PHACTR2: variants seen among roughly 807,000 people sequenced by gnomAD.
PHACTR2 encodes phosphatase and actin regulator 2, also known as chromosome 6 open reading frame 56.
Under a neutral mutation model 76.0 loss-of-function variants are expected in PHACTR2, and 30 were observed. The ratio of observed to expected loss-of-function variants is 0.39; its 90% CI spans 0.30 to 0.54. PHACTR2 has a LOEUF of 0.54. PHACTR2 is among the 20% of genes least tolerant of loss of function. The pLI is 0.61. For synonymous variants in PHACTR2, 292 were observed against 292.5 expected (o/e 1.00, Z 0.02); for missense variants, 696 against 781.1 (o/e 0.89, Z 1.30).
rs543555740 is a variant in PHACTR2, at chr6:143,761,352, T to C, written c.694+712T>C. Among the ~76,000 whole-genome samples, 10 of 152,356 alleles carry C rather than the reference T, an allele frequency of 6.6e-5. No homozygotes were observed. In the South Asian group the frequency reaches 1.9e-3, roughly 28 times the overall value. ...GTGACCTGCAATAACTCATGCAATA[T>C]GTATCCAGCTTTGCTTTACAATCAG... On this transcript the variant is annotated intron_variant, in intron 5 of 12. Transcript: ENST00000440869. This position sits in a 1 kb window ranked among gnomAD's most constrained non-coding sequence, Gnocchi z 5.2.
rs1363346824 is a variant in PHACTR2, at chr6:143,550,206, G to A, written c.217+12999G>A. ...ACACATTCTAACATAGGAATCACCC[G>A]GGGATCTTGTTGAAATGCAGTAGGT... On this transcript the variant is annotated intron_variant, in intron 1 of 11. Coordinates refer to the PHACTR2 transcript ENST00000367584. This position sits in a 1 kb window ranked among gnomAD's most constrained non-coding sequence, Gnocchi z 4.8. Among the ~76,000 whole-genome samples the A allele has an allele frequency of 2.0e-5, 3 of 152,012 alleles. No homozygotes were observed. Among genetic ancestry groups the A allele is most frequent in the African/African-American group, 7.2e-5 (3 of 41,404 alleles).
chr6:143,602,974 G>A lies in PHACTR2; in HGVS notation c.217+65767G>A, dbSNP rs556099392. Among the ~76,000 whole-genome samples the A allele has an allele frequency of 2.6e-4, 40 of 151,908 alleles. 1 individual carries two copies. Among genetic ancestry groups the A allele is most frequent in the Admixed American group, 1.4e-3 (22 of 15,272 alleles). ...AGCCTGGCCAACATGGCAAAACCCC[G>A]TCTCTACTAAAAATACAAAAACTAG... On this transcript the variant is annotated intron_variant, in intron 1 of 11. Transcript: ENST00000367584. The surrounding 1 kb of genome is among the most constrained non-coding windows in gnomAD (Gnocchi z 6.1).
At position 143,700,360 on chromosome 6, in the gene PHACTR2, G is replaced by A. The variant is rs1777880253; in HGVS notation, c.47-11656G>A. ...ACTTGAGCTTAGGAGTTTGAGACTG[G>A]CCTGGCCAACATGGTGAAACCGCGT... On this transcript the variant is annotated intron_variant, in intron 1 of 12. Transcript: ENST00000440869. The surrounding 1 kb of genome is among the most constrained non-coding windows in gnomAD (Gnocchi z 4.1). Among the ~76,000 whole-genome samples, 1 of 152,120 alleles carries A rather than the reference G, an allele frequency of 6.6e-6. No homozygotes were observed. Among genetic ancestry groups the A allele is most frequent in the African/African-American group, 2.4e-5 (1 of 41,424 alleles).
At chr6:143,693,462 T>G (rs1442412199) in intron 1 of PHACTR2, among the ~76,000 whole-genome samples, 1 of 152,202 alleles carries the variant, frequency 6.6e-6, no homozygotes, top group Non-Finnish European at 1.5e-5. Flanking sequence ...GGTCTCGAAA[T>G]CCTGACCTCA....
At chr6:143,576,675 G>A (rs1222382986) in intron 1 of PHACTR2, among the ~76,000 whole-genome samples, 7 of 151,942 alleles carry the variant, frequency 4.6e-5, no homozygotes, top group South Asian at 2.1e-4. Flanking sequence ...TCAGGAGTTC[G>A]AGACCAGCCT....
chr6:143,707,420 A>G (rs1223257018), intron 1 of PHACTR2, among the ~76,000 whole-genome samples: 2 of 152,182 alleles, frequency 1.3e-5, no homozygotes, highest in East Asian at 1.9e-4. Context: ...TTTTTCCCGC[A>G]GGGCGGCTCT....
rs577846929 is a variant in PHACTR2 at position 143,561,279 on chromosome 6, G to A, written c.217+24072G>A. The A allele has an allele frequency of 6.6e-6, 1 of 152,444 alleles. No individual in the cohort carries two copies. The highest frequency in any genetic ancestry group is 2.1e-4 in the South Asian group (1 of 4,830). The allele number at this position is 152,444 out of a possible 1,614,324, so 9.4% of individuals were successfully genotyped here. ...TGACAGTCTTAGCACTCAAGATGTG[G>A]TGACCTGTCGGGAAGCGGGGGCAGG... On this transcript the variant is annotated intron_variant, in intron 1 of 11. Transcript: ENST00000367584. This position sits in a 1 kb window ranked among gnomAD's most constrained non-coding sequence, Gnocchi z 4.1.
rs1370771551 is a variant in PHACTR2, at chr6:143,718,894, T to G, written c.214+6711T>G. The stretch of plus-strand genomic sequence containing the variant: ...GGAAGTGTTTTTTTTTTTTTTTTTT[T>G]TTTTTGGAGACAGAGTCTCGCTCTG... On this transcript the variant is annotated intron_variant, in intron 2 of 12. Transcript: ENST00000440869. Among the ~76,000 whole-genome samples the G allele has an allele frequency of 9.3e-5, 14 of 150,052 alleles. 1 individual carries two copies. Among genetic ancestry groups the G allele is most frequent in the African/African-American group, 2.2e-4 (9 of 41,038 alleles).
intron 11 of PHACTR2, among the ~76,000 whole-genome samples, chr6:143,796,119 A>G (rs1046514838): frequency 6.6e-6 from 1 of 152,186 alleles, no homozygotes; most frequent in Admixed American, 6.5e-5. Context: ...ACAGTGTCTA[A>G]ACAGGTCCTA....
chr6:143,758,203 A>G (rs1779350656), intron 4 of PHACTR2, among the ~76,000 whole-genome samples: 1 of 152,248 alleles, frequency 6.6e-6, no homozygotes. Flanking sequence ...GTATACCTTT[A>G]GAATTTTAAG....
rs1013998281 is a variant in PHACTR2, at chr6:143,662,631, A to T, written c.14-49385A>T. ...CTGAATGCAAAACAGTAATATTTAA[A>T]TTCACCTTCCTACTAGGGATGTTTC... is the stretch of plus-strand genomic sequence containing the variant. On this transcript the variant is annotated intron_variant, in intron 1 of 11. Transcript: ENST00000305766. This position sits in a 1 kb window ranked among gnomAD's most constrained non-coding sequence, Gnocchi z 4.7. Among the ~76,000 whole-genome samples, 7 of 152,326 alleles carry T rather than the reference A, an allele frequency of 4.6e-5. No individual in the cohort carries two copies. The highest frequency in any genetic ancestry group is 6.5e-5 in the Admixed American group (1 of 15,306).
intron 1 of PHACTR2, among the ~76,000 whole-genome samples, chr6:143,666,740 T>G (rs929325974): frequency 6.6e-6 from 1 of 152,250 alleles, no homozygotes; most frequent in Non-Finnish European, 1.5e-5. Flanking sequence ...TTTTTTCTTG[T>G]AAATTTGTTT....
chr6:143,817,667 A>T (rs577704454), intron 12 of PHACTR2, among the ~76,000 whole-genome samples: 2 of 152,388 alleles, frequency 1.3e-5, no homozygotes, highest in South Asian at 4.1e-4. Context: ...AATACTACTC[A>T]GCCACAAGAA....
At chr6:143,748,877 T>G in intron 2 of PHACTR2, 108 bp from the exon 3 acceptor site, 1 of 594,266 alleles carries the variant, frequency 1.7e-6, no homozygotes. Flanking sequence ...AAAACGAGTT[T>G]GAGCCCTCAT....
intron 2 of PHACTR2, among the ~76,000 whole-genome samples, chr6:143,741,156 G>A (rs1215107665): frequency 2.7e-5 from 4 of 149,460 alleles, no homozygotes; most frequent in Admixed American, 2.7e-4. Flanking sequence ...GCTGAGGCAG[G>A]AGAATGAGTC....
chr6:143,582,341 A>G (rs1010265180), intron 1 of PHACTR2, among the ~76,000 whole-genome samples: 6 of 152,186 alleles, frequency 3.9e-5, no homozygotes, highest in African/African-American at 1.4e-4. Flanking sequence ...TCAGAAGGAA[A>G]ATAAGATAGT....
In PHACTR2 at chr6:143,765,326, A is replaced by C; in HGVS notation, c.760A>C (p.Thr254Pro). The C allele has an allele frequency of 6.2e-7, 1 of 1,614,090 alleles. No individual in the cohort carries two copies. The highest frequency in any genetic ancestry group is 8.5e-7 in the Non-Finnish European group (1 of 1,179,996). ...KASASPSTSSTSSRPKASKET... is the reference protein window; with the variant it reads ...KASASPSTSSPSSRPKASKET... ...ATCAGCTTCGCCATCCACTTCATCCACCTCATCTCGTCCCAAAGCTTCAAA... is the reference window on the plus strand; with the variant it reads ...ATCAGCTTCGCCATCCACTTCATCCCCCTCATCTCGTCCCAAAGCTTCAAA... Residue 254 changes from threonine to proline, a missense_variant, in exon 6 of 13, where the codon ACC becomes CCC. Thr to Pro is a conservative substitution (Grantham distance 38). Coordinates refer to ENST00000440869, the MANE Select transcript of PHACTR2 (RefSeq NM_001100164.2). This position sits in a 1 kb window ranked among gnomAD's most constrained non-coding sequence, Gnocchi z 4.1.
intron 1 of PHACTR2, among the ~76,000 whole-genome samples, chr6:143,612,862 C>T (rs1776000402): frequency 6.6e-6 from 1 of 152,212 alleles, no homozygotes; most frequent in African/African-American, 2.4e-5. Context: ...TTATTAACTA[C>T]CAAGCAAATG....
rs1364357290 is a variant in PHACTR2, at chr6:143,782,621, C to T, written c.1646-598C>T. On this transcript the variant is annotated intron_variant, in intron 9 of 12. Transcript: ENST00000440869. This position sits in a 1 kb window ranked among gnomAD's most constrained non-coding sequence, Gnocchi z 4.6. ...CACAAGAAAATAAATAATTTCCACC[C>T]AGAGTACATCATAACCTCATTTAGA... Among the ~76,000 whole-genome samples the T allele has an allele frequency of 6.6e-6, 1 of 152,138 alleles. No individual in the cohort carries two copies. The highest frequency in any genetic ancestry group is 1.5e-5 in the Non-Finnish European group (1 of 68,028).
Sources: gnomAD v4.1 joint callset for allele counts (sites outside exome capture counted in the v4.1 genomes callset) on GRCh38, gnomAD v4.1.1 for gene constraint, Gnocchi (gnomAD v3.1) non-coding constraint, MANE v1.5 for transcripts, NCBI Gene and HGNC (gene_info 2026-07-23, HGNC 2026-07-21) for gene names.